Variants in NXPE2 observed in about 807,000 individuals in gnomAD.
The protein encoded by NXPE2 is NXPE family member 2.
Under a neutral mutation model 34.4 loss-of-function variants are expected in NXPE2, and 34 were observed. That is an observed-to-expected ratio of 0.99 (90% CI 0.75 to 1.31). NXPE2 has a LOEUF of 1.31. Among genes scored for constraint, NXPE2 ranks in the 40% most tolerant of loss-of-function variants. The pLI, the probability that NXPE2 is intolerant of heterozygous loss-of-function variation, is 0.00. For missense variants in NXPE2, 649 were observed against 672.5 expected, an observed-to-expected ratio of 0.97 and a Z score of 0.39; for synonymous variants, 235 against 231.3, an observed-to-expected ratio of 1.02 and a Z score of -0.15.
chr11:114,694,922 T>C (rs1951220398), intron 2 of NXPE2, among the ~76,000 whole-genome samples: 1 of 151,992 alleles, frequency 6.6e-6, no homozygotes, highest in East Asian at 1.9e-4. Context: ...AATTTCAAAA[T>C]CTCTACTATA....
chr11:114,675,209 C>T (rs1256467626), upstream of NXPE2, among the ~76,000 whole-genome samples: 2 of 151,752 alleles, frequency 1.3e-5, no homozygotes, highest in Non-Finnish European at 2.9e-5. Context: ...TAATATCATA[C>T]TCAATGGTGA....
chr11:114,565,805 G>A, the NXPE2 span, among the ~76,000 whole-genome samples: 1,022 of 152,246 alleles, frequency 6.7e-3, 15 homozygotes, highest in African/African-American at 0.022. Flanking sequence ...CAAAGAATGG[G>A]TTGTAGAAGT....
chr11:114,757,428 A>T, the NXPE2 span, among the ~76,000 whole-genome samples: 2 of 151,268 alleles, frequency 1.3e-5, no homozygotes, highest in South Asian at 4.2e-4. Context: ...TTCTACTGGT[A>T]ACAGAAGCTC....
chr11:114,645,832 A>C, the NXPE2 span, among the ~76,000 whole-genome samples: 2 of 152,202 alleles, frequency 1.3e-5, no homozygotes, highest in Admixed American at 6.5e-5. Context: ...CATGTTCATT[A>C]GATAGGCCAA....
chr11:114,558,070 A>T, the NXPE2 span, among the ~76,000 whole-genome samples: 1 of 152,018 alleles, frequency 6.6e-6, no homozygotes, highest in Non-Finnish European at 1.5e-5. Flanking sequence ...CGCTTAACAG[A>T]TCAAATATAA....
At chr11:114,744,084 G>A in the NXPE2 span, among the ~76,000 whole-genome samples, 1 of 152,110 alleles carries the variant, frequency 6.6e-6, no homozygotes, top group Non-Finnish European at 1.5e-5. Context: ...TACACGAGCT[G>A]ATTTACTCAA....
the NXPE2 span, among the ~76,000 whole-genome samples, chr11:114,598,812 A>G: frequency 1.3e-5 from 2 of 151,578 alleles, no homozygotes; most frequent in Non-Finnish European, 2.9e-5. Context: ...GGCTTCCACA[A>G]AGTTCTCTGA....
At chr11:114,500,231 A>G in the NXPE2 span, among the ~76,000 whole-genome samples, 2 of 152,120 alleles carry the variant, frequency 1.3e-5, no homozygotes, top group African/African-American at 4.8e-5. Context: ...CCATACAGAA[A>G]TGCATGAGAC....
chr11:114,515,411 A>G, the NXPE2 span, among the ~76,000 whole-genome samples: 22 of 152,240 alleles, frequency 1.4e-4, no homozygotes, highest in African/African-American at 5.3e-4. Context: ...AAACTATCCA[A>G]GAAACAAATT....
the NXPE2 span, among the ~76,000 whole-genome samples, chr11:114,651,405 G>A: frequency 1.3e-5 from 2 of 152,156 alleles, no homozygotes; most frequent in Admixed American, 6.5e-5. Flanking sequence ...GGCTTCAGGA[G>A]TGAAGCTGCA....
intron 2 of NXPE2, among the ~76,000 whole-genome samples, chr11:114,687,452 A>G (rs1228527727): frequency 6.6e-6 from 1 of 151,966 alleles, no homozygotes; most frequent in Non-Finnish European, 1.5e-5. Context: ...AGGGGTCTCA[A>G]TTCTGTTCCA....
the NXPE2 span, among the ~76,000 whole-genome samples, chr11:114,467,999 TG>T: frequency 6.6e-6 from 1 of 151,806 alleles, no homozygotes; most frequent in African/African-American, 2.4e-5. Flanking sequence ...GAAGAAATTA[TG>T]GGAGAGCCTG....
the NXPE2 span, chr11:114,554,061 T>G: frequency 1.0e-6 from 1 of 985,378 alleles, no homozygotes; most frequent in Non-Finnish European, 1.2e-6. Flanking sequence ...TTGTGAATGG[T>G]ATCCCAAATC....
the NXPE2 span, among the ~76,000 whole-genome samples, chr11:114,528,383 T>A: frequency 6.6e-6 from 1 of 152,306 alleles, no homozygotes; most frequent in Admixed American, 6.5e-5. Context: ...CTCCCCATCA[T>A]GTACCCAAGG....
At chr11:114,510,583 A>G in the NXPE2 span, among the ~76,000 whole-genome samples, 1 of 152,182 alleles carries the variant, frequency 6.6e-6, no homozygotes, top group African/African-American at 2.4e-5. Context: ...AGTGAAAACA[A>G]TAGATGTTTC....
chr11:114,627,615 C>T, the NXPE2 span, among the ~76,000 whole-genome samples: 8 of 151,054 alleles, frequency 5.3e-5, no homozygotes, highest in South Asian at 1.1e-3. Context: ...TATCAACTAA[C>T]GAGCAAAATA....
At chr11:114,479,361 G>A in the NXPE2 span, among the ~76,000 whole-genome samples, 1 of 152,176 alleles carries the variant, frequency 6.6e-6, no homozygotes, top group South Asian at 2.1e-4. Flanking sequence ...CAAAGAATAA[G>A]GGTAGCTTGG....
chr11:114,661,086 A>T, the NXPE2 span, among the ~76,000 whole-genome samples: 2 of 152,192 alleles, frequency 1.3e-5, no homozygotes, highest in Non-Finnish European at 2.9e-5. Context: ...GCAAACCATA[A>T]ACCATGATGA....
the NXPE2 span, among the ~76,000 whole-genome samples, chr11:114,780,535 A>T: frequency 7.2e-5 from 11 of 152,228 alleles, no homozygotes; most frequent in African/African-American, 2.7e-4. Flanking sequence ...TGGTTCAGTG[A>T]TTCCTGAATG....
Sources: allele counts gnomAD v4.1 joint callset (sites outside exome capture counted in the v4.1 genomes callset), GRCh38; gene constraint gnomAD v4.1.1; transcripts MANE v1.5; gene names NCBI Gene and HGNC (gene_info 2026-07-23, HGNC 2026-07-21).